MEAK7: variants seen among roughly 807,000 people sequenced by gnomAD.
MEAK7 encodes the protein MTOR-associated protein MEAK7.
A neutral mutation model predicts 40.5 loss-of-function variants in MEAK7; 68 were observed. The observed-to-expected ratio is 1.68, with a 90% CI of 1.38 to 2.06. MEAK7 has a LOEUF of 2.06. Among genes scored for constraint, MEAK7 ranks in the 30% most tolerant of loss-of-function variants. The pLI, the probability that MEAK7 is intolerant of heterozygous loss-of-function variation, is 0.00. For synonymous variants in MEAK7, 338 were observed against 231.9 expected (o/e 1.46, Z -4.16); for missense variants, 918 against 580.5 (o/e 1.58, Z -5.98).
At position 84,480,535 on chromosome 16, in the gene MEAK7, C is replaced by G; in HGVS notation, c.1251G>C (p.Glu417Asp). The stretch of plus-strand genomic sequence containing the variant: ...AGAGGACAGCTCCACTCACCAACTG[C>G]TCCTCTGAGGGGTCTCCAACCGCCC... ...EVWAVGDPSE[E>D]QLAKGNKSIL... Residue 417 changes from glutamate (E) to aspartate (D), a missense_variant, in exon 7 of 8, where the codon GAG becomes GAC. Coordinates refer to ENST00000343629, the MANE Select transcript of MEAK7 (RefSeq NM_020947.4). The G allele has an allele frequency of 6.2e-7, 1 of 1,607,342 alleles. No homozygotes were observed. Among genetic ancestry groups the G allele is most frequent in the Non-Finnish European group, 8.5e-7 (1 of 1,177,142 alleles).
intron 3 of MEAK7, among the ~76,000 whole-genome samples, chr16:84,490,654 ATGTGTGTGTGTGTGTG>A (rs35489449): frequency 2.3e-4 from 32 of 137,614 alleles, no homozygotes; most frequent in East Asian, 1.0e-3. Context: ...GCTAATCAAG[ATGTGTGTGTGTGTGTG>A]TGTGTGTGTG....
At position 84,480,681 on chromosome 16, in the gene MEAK7, C is replaced by G. The variant is rs200062705; in HGVS notation, c.1105G>C (p.Gly369Arg). ...CCAAAATCAACATCCACCCAAAGCCCAAAGTAATTGTGCTGCCCCCCCATA... is the reference window on the plus strand; with the variant it reads ...CCAAAATCAACATCCACCCAAAGCCGAAAGTAATTGTGCTGCCCCCCCATA... ...LGMGGQHNYF[G>R]LWVDVDFGKG... is the part of the protein sequence containing the mutation. The change falls in exon 7 of 8, where the codon GGG becomes CGG. Residue 369 changes from glycine to arginine, a missense_variant. Gly to Arg is a moderately radical substitution (Grantham distance 125). Transcript: ENST00000343629. 28 of 1,613,606 alleles carry G rather than the reference C, an allele frequency of 1.7e-5. No homozygotes were observed. The East Asian group carries it at 5.6e-4, about 32-fold the overall frequency.
Position 84,480,005 on chromosome 16 carries a change from G to C in MEAK7, c.1279C>G (p.Leu427Val), listed in dbSNP as rs979642988. The change falls in exon 8 of 8, where the codon CTG becomes GTG. Residue 427 changes from leucine (L) to valine (V), a missense_variant. Coordinates refer to ENST00000343629, the MANE Select transcript of MEAK7 (RefSeq NM_020947.4). Reference protein sequence around the residue: ...EQLAKGNKSILDADPEAQALL... With the variant: ...EQLAKGNKSIVDADPEAQALL... ...GCCTGGGCCTCAGGGTCCGCATCCA[G>C]GATGCTCTTGTTGCCCTTGGCCTTG... 30 of 1,606,226 alleles carry C rather than the reference G, an allele frequency of 1.9e-5. No individual in the cohort carries two copies. The highest frequency in any genetic ancestry group is 2.3e-5 in the Non-Finnish European group (27 of 1,174,714).
Position 84,477,383 on chromosome 16 carries a change from G to A in MEAK7, c.*2530C>T, listed in dbSNP as rs2150617301. On this transcript the variant is annotated 3_prime_UTR_variant, in exon 8 of 8. Coordinates refer to ENST00000343629, the MANE Select transcript of MEAK7 (RefSeq NM_020947.4). Reference sequence around the variant, plus strand: ...ATTTTGTATTTTTAGTAGAGATGGGGTTTCTCCATGTTGGTCAGGCTGGTC... The same window carrying A: ...ATTTTGTATTTTTAGTAGAGATGGGATTTCTCCATGTTGGTCAGGCTGGTC... 6.6e-6 allele frequency: 1 copy of A among 151,296 alleles called. No individual in the cohort carries two copies. The highest frequency in any genetic ancestry group is 1.5e-5 in the Non-Finnish European group (1 of 67,860). The allele number at this position is 151,296 out of a possible 1,614,324, so 9.4% of individuals were successfully genotyped here.
chr16:84,503,300 G>A (rs1395054050), intron 1 of MEAK7, among the ~76,000 whole-genome samples: 5 of 152,210 alleles, frequency 3.3e-5, no homozygotes, highest in South Asian at 2.1e-4. Flanking sequence ...CGGGTTGGAC[G>A]AGCTTGCCCT....
rs1912353896 is a variant in MEAK7 at position 84,479,836 on chromosome 16, AG to A, written c.*76del. ...CGCTATTACAGTTAAACCATGTGGG[AG>A]GGAAGAGGGGCTGCAGGCGTTGCCC... On this transcript the variant is annotated 3_prime_UTR_variant, in exon 8 of 8. Coordinates refer to ENST00000343629, the MANE Select transcript of MEAK7 (RefSeq NM_020947.4). 8.2e-6 allele frequency: 9 copies of A among 1,100,800 alleles called. No individual in the cohort carries two copies. The highest frequency in any genetic ancestry group is 1.2e-5 in the Non-Finnish European group (9 of 774,762). The allele number at this position is 1,100,800 out of a possible 1,614,324, so 68.2% of individuals were successfully genotyped here. A position where few individuals can be genotyped will look rare whatever the true frequency, so the allele number is the denominator to read the frequency against.
In MEAK7 at chr16:84,481,513, C is replaced by A. The variant is rs796407638; in HGVS notation, c.1078-805G>T. On this transcript the variant is annotated intron_variant, in intron 6 of 7. Coordinates refer to ENST00000343629, the MANE Select transcript of MEAK7 (RefSeq NM_020947.4). The stretch of plus-strand genomic sequence containing the variant: ...AGAAGGTGCCAGGTGTTCTAGGTGG[C>A]CTGGCCACGCCCCTCCCTCTCTCCA... Among the ~76,000 whole-genome samples the A allele has an allele frequency of 8.5e-5, 13 of 152,336 alleles. 1 individual carries two copies. Among genetic ancestry groups the A allele is most frequent in the African/African-American group, 3.1e-4 (13 of 41,586 alleles).
In MEAK7 at chr16:84,495,759, G is replaced by T; in HGVS notation, c.308C>A (p.Ser103Tyr). ...ASMSHLLKGNSEEKSLMIMKM... is the reference protein window; with the variant it reads ...ASMSHLLKGNYEEKSLMIMKM... ...CATAATCATGAGACTCTTCTCCTCG[G>T]AGTTTCCTTTCAACAGGTGGGACAT... Residue 103 changes from serine to tyrosine, a missense_variant, in exon 3 of 8, where the codon TCC becomes TAC. By Grantham distance (144) the Ser-to-Tyr change is moderately radical. Coordinates refer to ENST00000343629, the MANE Select transcript of MEAK7 (RefSeq NM_020947.4). The T allele has an allele frequency of 1.9e-6, 3 of 1,613,960 alleles. No homozygotes were observed. The South Asian group carries it at 3.3e-5, about 18-fold the overall frequency.
chr16:84,484,849 C>A (rs535920643), intron 5 of MEAK7, among the ~76,000 whole-genome samples: 1 of 152,306 alleles, frequency 6.6e-6, no homozygotes, highest in East Asian at 1.9e-4. Flanking sequence ...TGGACACGTA[C>A]TGCAACAGAA....
chr16:84,490,486 A>G (rs1567497349), intron 3 of MEAK7, among the ~76,000 whole-genome samples: 1 of 115,626 alleles, frequency 8.6e-6, no homozygotes, highest in East Asian at 3.1e-4. Flanking sequence ...TTTTACCTCA[A>G]CAGCCTGAGT....
chr16:84,489,457 C>T lies in MEAK7; in HGVS notation c.385-35G>A. ...CACAATTTTACCATTAAAAACAGTT[C>T]CACCATATCCTGAGACCTATGTCAT... On this transcript the variant is annotated intron_variant, in intron 3 of 7. Transcript: ENST00000343629. 3 of 1,577,564 alleles carry T rather than the reference C, an allele frequency of 1.9e-6. No homozygotes were observed. The South Asian group carries it at 3.5e-5, about 18-fold the overall frequency.
At chr16:84,501,387 G>A (rs1914494394) in intron 1 of MEAK7, among the ~76,000 whole-genome samples, 2 of 152,086 alleles carry the variant, frequency 1.3e-5, no homozygotes, top group Non-Finnish European at 2.9e-5. Context: ...ACTCCACCCA[G>A]CCCCTCACTT....
chr16:84,501,574 G>A (rs16973979), intron 1 of MEAK7, among the ~76,000 whole-genome samples: 7,671 of 152,178 alleles, frequency 0.05, 392 homozygotes, highest in African/African-American at 0.13. Flanking sequence ...CAGAAGCGGC[G>A]CAGACCAGGG....
chr16:84,496,554 AC>A (rs1310031434), intron 2 of MEAK7, among the ~76,000 whole-genome samples: 1 of 152,160 alleles, frequency 6.6e-6, no homozygotes. Context: ...AGGACCAAGA[AC>A]CCTGGTGTTC....
intron 7 of MEAK7, among the ~76,000 whole-genome samples, 156 bp downstream of exon 7, chr16:84,480,373 T>C (rs887982511): frequency 2.6e-5 from 4 of 152,130 alleles, no homozygotes; most frequent in Non-Finnish European, 4.4e-5. Context: ...CTTCCAGCCA[T>C]GCATCTCCTG....
At chr16:84,480,748 C>A in intron 6 of MEAK7, 40 bp from the exon 7 acceptor site, 1 of 1,573,840 alleles carries the variant, frequency 6.4e-7, no homozygotes, top group South Asian at 1.2e-5. Context: ...ATCAGCAACT[C>A]CTCAGGGTCT....
intron 4 of MEAK7, chr16:84,487,322 A>C: frequency 2.0e-5 from 8 of 409,298 alleles, no homozygotes; most frequent in Non-Finnish European, 2.2e-5. Context: ...TATTATTAGA[A>C]TCAGTTTTCC....
chr16:84,490,440 C>T (rs1392586180), intron 3 of MEAK7, among the ~76,000 whole-genome samples: 2 of 122,532 alleles, frequency 1.6e-5, no homozygotes, highest in East Asian at 2.5e-4. Flanking sequence ...GTTTCTGCCC[C>T]GCCTTTTTTT....
intron 3 of MEAK7, among the ~76,000 whole-genome samples, chr16:84,491,587 C>G (rs1484043100): frequency 2.1e-5 from 3 of 145,028 alleles, no homozygotes; most frequent in East Asian, 4.1e-4. Flanking sequence ...GCCTATAATC[C>G]CAGCACTTTG....
Sources: allele counts gnomAD v4.1 joint callset (sites outside exome capture counted in the v4.1 genomes callset), GRCh38; gene constraint gnomAD v4.1.1; transcripts MANE v1.5; gene names NCBI Gene and HGNC (gene_info 2026-07-23, HGNC 2026-07-21).